RAP2B: variants seen among roughly 807,000 people sequenced by gnomAD.
RAP2B encodes the protein RAP2B, member of RAS oncogene family.
RAP2B carries 6 observed loss-of-function variants against 14.4 expected under a neutral mutation model. That is an observed-to-expected ratio of 0.42 (90% CI 0.23 to 0.82). The LOEUF (loss-of-function observed/expected upper bound fraction) is 0.82, where lower values mean the gene tolerates loss of function less well. RAP2B is among the 40% of genes least tolerant of loss of function. The pLI, the probability that RAP2B is intolerant of heterozygous loss-of-function variation, is 0.30. For missense variants in RAP2B, 137 were observed against 248.2 expected (o/e 0.55, Z 3.01); for synonymous variants, 118 against 113.2 (o/e 1.04, Z -0.27).
chr3:153,168,139 G>C lies in RAP2B; in HGVS notation c.*4894G>C, dbSNP rs968034140. The C allele has an allele frequency of 1.2e-5, 2 of 166,906 alleles. No individual in the cohort carries two copies. Among genetic ancestry groups the C allele is most frequent in the Non-Finnish European group, 2.9e-5 (2 of 68,088 alleles). The allele number at this position is 166,906 out of a possible 1,614,324, so 10.3% of individuals were successfully genotyped here. A position where few individuals can be genotyped will look rare whatever the true frequency, so the allele number is the denominator to read the frequency against. On this transcript the variant is annotated 3_prime_UTR_variant, in exon 1 of 1. Coordinates refer to ENST00000323534, the MANE Select transcript of RAP2B (RefSeq NM_002886.4). ...AACTGTGTATCTTGCAGCTTCTTTC[G>C]TTATGCATCTTAATTCCCTCAGAAG...
chr3:153,163,653 C>CTTT lies in RAP2B; in HGVS notation c.*409_*410insTTT, dbSNP rs1713482717. On this transcript the variant is annotated 3_prime_UTR_variant, in exon 1 of 1. Coordinates refer to ENST00000323534, the MANE Select transcript of RAP2B (RefSeq NM_002886.4). The stretch of plus-strand genomic sequence containing the variant: ...GGAAATGGTTTTTTTTTTTTTTTTT[C>CTTT]TATTTTCTTTCTTTTTTTTTTTTTT... 3 of 74,876 alleles carry CTTT rather than the reference C, an allele frequency of 4.0e-5. No individual in the cohort carries two copies. Among genetic ancestry groups the CTTT allele is most frequent in the Admixed American group, 1.5e-4 (1 of 6,794 alleles). The allele number at this position is 74,876 out of a possible 1,614,324, so 4.6% of individuals were successfully genotyped here.
rs185548519 is a variant in RAP2B at position 153,166,486 on chromosome 3, T to C, written c.*3241T>C. The C allele has an allele frequency of 6.0e-6, 1 of 167,170 alleles. No homozygotes were observed. Among genetic ancestry groups the C allele is most frequent in the African/African-American group, 2.4e-5 (1 of 41,568 alleles). 10.4% of individuals were successfully genotyped at this position (167,170 alleles called of 1,614,324 possible). A position where few individuals can be genotyped will look rare whatever the true frequency, so the allele number is the denominator to read the frequency against. ...AAATTGGGTGGGAAAGGAGTCTTTA[T>C]CTTGGGGAGCAAAAGCTGACTTTTA... On this transcript the variant is annotated 3_prime_UTR_variant, in exon 1 of 1. Transcript: ENST00000323534.
rs1713691016 is a variant in RAP2B, at chr3:153,170,136, G to A, written c.*6891G>A. 1 of 152,198 alleles carries A rather than the reference G, an allele frequency of 6.6e-6. No homozygotes were observed. Among genetic ancestry groups the A allele is most frequent in the African/African-American group, 2.4e-5 (1 of 41,444 alleles). 9.4% of individuals were successfully genotyped at this position (152,198 alleles called of 1,614,324 possible). A position where few individuals can be genotyped will look rare whatever the true frequency, so the allele number is the denominator to read the frequency against. On this transcript the variant is annotated 3_prime_UTR_variant, in exon 1 of 1. Coordinates refer to ENST00000323534, the MANE Select transcript of RAP2B (RefSeq NM_002886.4). ...TTATGTGAGGTTAAGTTTGTCAGAG[G>A]ATTGAAAACGTGGTTGGTTTATTTG...
chr3:153,163,068 G>C lies in RAP2B; in HGVS notation c.375G>C (p.Glu125Asp). 6.2e-7 allele frequency: 1 copy of C among 1,614,034 alleles called. No individual in the cohort carries two copies. The highest frequency in any genetic ancestry group is 8.5e-7 in the Non-Finnish European group (1 of 1,180,026). The change falls in exon 1 of 1, where the codon GAG becomes GAC. Residue 125 changes from glutamate to aspartate, a missense_variant. Glu to Asp is a conservative substitution (Grantham distance 45). This residue lies in a region of RAP2B where 106 missense variants were observed against 143.5 expected (regional missense o/e 0.74). Coordinates refer to ENST00000323534, the MANE Select transcript of RAP2B (RefSeq NM_002886.4). The part of the protein sequence containing the change: ...GNKVDLEGER[E>D]VSYGEGKALA... ...AGGTGGACCTGGAGGGTGAGCGCGA[G>C]GTCTCGTACGGGGAGGGCAAGGCCC...
chr3:153,167,170 TATA>T lies in RAP2B; in HGVS notation c.*3928_*3930del, dbSNP rs1713604007. The T allele has an allele frequency of 6.0e-6, 1 of 167,026 alleles. No homozygotes were observed. The highest frequency in any genetic ancestry group is 2.1e-4 in the South Asian group (1 of 4,824). 10.3% of individuals were successfully genotyped at this position (167,026 alleles called of 1,614,324 possible). On this transcript the variant is annotated 3_prime_UTR_variant, in exon 1 of 1. Coordinates refer to ENST00000323534, the MANE Select transcript of RAP2B (RefSeq NM_002886.4). ...AATATAGTAAATTTTAAAATACTAA[TATA>T]ATGTGGTATTCTTGATTACAGTATT...
At position 153,170,409 on chromosome 3, in the gene RAP2B, A is replaced by G. The variant is rs1031793107; in HGVS notation, c.*7164A>G. 6.6e-6 allele frequency: 1 copy of G among 152,236 alleles called. No individual in the cohort carries two copies. The highest frequency in any genetic ancestry group is 2.4e-5 in the African/African-American group (1 of 41,458). 9.4% of individuals were successfully genotyped at this position (152,236 alleles called of 1,614,324 possible). ...GCGCTAATACTTAAAAGAGGAAGTC[A>G]GGTGAAGGCGCAACAGCTTTATGCT... On this transcript the variant is annotated 3_prime_UTR_variant, in exon 1 of 1. Transcript: ENST00000323534.
Position 153,163,229 on chromosome 3 carries a change from C to A in RAP2B, c.536C>A (p.Ala179Asp). Residue 179 changes from alanine to aspartate, a missense_variant, in exon 1 of 1, where the codon GCC (alanine) becomes GAC (aspartate). By Grantham distance (126) the Ala-to-Asp change is moderately radical. This residue lies in a region of RAP2B where 106 missense variants were observed against 143.5 expected (regional missense o/e 0.74). Transcript: ENST00000323534. ...QPNGDEGCCS[A>D]CVIL Reference sequence around the variant, plus strand: ...AACGGCGATGAGGGCTGCTGCTCGGCCTGCGTGATCCTCTGAGGCGGCCAC... The same window carrying A: ...AACGGCGATGAGGGCTGCTGCTCGGACTGCGTGATCCTCTGAGGCGGCCAC... 6.4e-7 allele frequency: 1 copy of A among 1,565,684 alleles called. No homozygotes were observed. Among genetic ancestry groups the A allele is most frequent in the Non-Finnish European group, 8.6e-7 (1 of 1,157,032 alleles).
rs1713429560 is a variant in RAP2B at position 153,162,480 on chromosome 3, C to T, written c.-214C>T. On this transcript the variant is annotated 5_prime_UTR_variant, in exon 1 of 1. Coordinates refer to ENST00000323534, the MANE Select transcript of RAP2B (RefSeq NM_002886.4). This position sits in a 1 kb window ranked among gnomAD's most constrained non-coding sequence, Gnocchi z 4.9. ...CGCGGACTGCTGCGGGGCCCGGACC[C>T]GCACCCCAGGGATACGCTGCCGCCG... is the stretch of plus-strand genomic sequence containing the variant. 6.9e-6 allele frequency: 3 copies of T among 436,188 alleles called. No individual in the cohort carries two copies. Among genetic ancestry groups the T allele is most frequent in the Non-Finnish European group, 1.2e-5 (3 of 257,782 alleles). The allele number at this position is 436,188 out of a possible 1,614,324, so 27.0% of individuals were successfully genotyped here.
rs1477075537 is a variant in RAP2B, at chr3:153,164,780, A to G, written c.*1535A>G. ...TTCATATTCAGTGATTTAATACAGT[A>G]TCATGGCTGAGGTGGATGGGGCAGG... On this transcript the variant is annotated 3_prime_UTR_variant, in exon 1 of 1. Transcript: ENST00000323534. 1 of 167,100 alleles carries G rather than the reference A, an allele frequency of 6.0e-6. No homozygotes were observed. The highest frequency in any genetic ancestry group is 6.5e-5 in the Admixed American group (1 of 15,280). 10.4% of individuals were successfully genotyped at this position (167,100 alleles called of 1,614,324 possible).
In RAP2B at chr3:153,168,430, T is replaced by A. The variant is rs1413055918; in HGVS notation, c.*5185T>A. On this transcript the variant is annotated 3_prime_UTR_variant, in exon 1 of 1. Transcript: ENST00000323534. ...TTTTTAATGCTTCCTGGACTTCAGT[T>A]ATTTTCTTGCTTTTGCCTCAAGAAT... The A allele has an allele frequency of 3.0e-5, 5 of 166,998 alleles. No individual in the cohort carries two copies. The highest frequency in any genetic ancestry group is 7.3e-5 in the Non-Finnish European group (5 of 68,118). 10.3% of individuals were successfully genotyped at this position (166,998 alleles called of 1,614,324 possible). A position where few individuals can be genotyped will look rare whatever the true frequency, so the allele number is the denominator to read the frequency against.
rs574606114 is a variant in RAP2B at position 153,163,074 on chromosome 3, G to T, written c.381G>T (p.Ser127=). The change falls in exon 1 of 1, where the codon TCG becomes TCT. Residue 127 remains serine, a synonymous_variant. Coordinates refer to ENST00000323534, the MANE Select transcript of RAP2B (RefSeq NM_002886.4). ...KVDLEGEREV[S]YGEGKALAEE... ...ACCTGGAGGGTGAGCGCGAGGTCTC[G>T]TACGGGGAGGGCAAGGCCCTGGCTG... The T allele has an allele frequency of 6.2e-7, 1 of 1,614,004 alleles. No homozygotes were observed. Among genetic ancestry groups the T allele is most frequent in the South Asian group, 1.1e-5 (1 of 91,086 alleles).
In RAP2B at chr3:153,162,984, G is replaced by T. The variant is rs1713452306; in HGVS notation, c.291G>T (p.Arg97=). 1 of 1,614,090 alleles carries T rather than the reference G, an allele frequency of 6.2e-7. No homozygotes were observed. Among genetic ancestry groups the T allele is most frequent in the Non-Finnish European group, 8.5e-7 (1 of 1,180,048 alleles). The change falls in exon 1 of 1, where the codon CGG becomes CGT. Residue 97 remains arginine (R), a synonymous_variant. Coordinates refer to ENST00000323534, the MANE Select transcript of RAP2B (RefSeq NM_002886.4). This position sits in a 1 kb window ranked among gnomAD's most constrained non-coding sequence, Gnocchi z 4.9. ...QQSFQDIKPM[R]DQIIRVKRYE... is the part of the protein sequence containing the mutation. ...GCTTCCAGGACATCAAGCCCATGCG[G>T]GACCAGATCATCCGCGTGAAGCGGT...
At position 153,166,788 on chromosome 3, in the gene RAP2B, G is replaced by A. The variant is rs1055487336; in HGVS notation, c.*3543G>A. The A allele has an allele frequency of 6.0e-6, 1 of 166,484 alleles. No homozygotes were observed. The highest frequency in any genetic ancestry group is 1.5e-5 in the Non-Finnish European group (1 of 68,090). The allele number at this position is 166,484 out of a possible 1,614,324, so 10.3% of individuals were successfully genotyped here. ...ATTCTTTAAATGTATGGGACTTCAT[G>A]CTTCCTGATTATGTAATATTTCCTG... On this transcript the variant is annotated 3_prime_UTR_variant, in exon 1 of 1. Coordinates refer to ENST00000323534, the MANE Select transcript of RAP2B (RefSeq NM_002886.4).
chr3:153,167,252 T>A lies in RAP2B; in HGVS notation c.*4007T>A, dbSNP rs757164067. 3.6e-5 allele frequency: 6 copies of A among 167,202 alleles called. No individual in the cohort carries two copies. The highest frequency in any genetic ancestry group is 7.3e-5 in the Non-Finnish European group (5 of 68,110). The allele number at this position is 167,202 out of a possible 1,614,324, so 10.4% of individuals were successfully genotyped here. On this transcript the variant is annotated 3_prime_UTR_variant, in exon 1 of 1. Transcript: ENST00000323534. ...GCATTTAACTGAACACAGAGCTAGT[T>A]CTAGGTGAGTGAGATCTTTATCTAT...
chr3:153,163,755 G>A lies in RAP2B; in HGVS notation c.*510G>A, dbSNP rs944284241. 2 of 162,314 alleles carry A rather than the reference G, an allele frequency of 1.2e-5. No individual in the cohort carries two copies. Among genetic ancestry groups the A allele is most frequent in the African/African-American group, 2.5e-5 (1 of 40,136 alleles). The allele number at this position is 162,314 out of a possible 1,614,324, so 10.1% of individuals were successfully genotyped here. A position where few individuals can be genotyped will look rare whatever the true frequency, so the allele number is the denominator to read the frequency against. On this transcript the variant is annotated 3_prime_UTR_variant, in exon 1 of 1. Coordinates refer to ENST00000323534, the MANE Select transcript of RAP2B (RefSeq NM_002886.4). ...GGAAGTCCGGGAGAACCATATGAAG[G>A]AGCAGGAGGAGAGGAAGAAACTTTT...
In RAP2B at chr3:153,167,975, C is replaced by T. The variant is rs552606266; in HGVS notation, c.*4730C>T. On this transcript the variant is annotated 3_prime_UTR_variant, in exon 1 of 1. Transcript: ENST00000323534. Reference sequence around the variant, plus strand: ...GCAAGGGTTCTAAAAATCATTGTGCCAGAGAATTTAAATCTTCATATCATG... The same window carrying T: ...GCAAGGGTTCTAAAAATCATTGTGCTAGAGAATTTAAATCTTCATATCATG... The T allele has an allele frequency of 1.8e-5, 3 of 167,110 alleles. No homozygotes were observed. Among genetic ancestry groups the T allele is most frequent in the African/African-American group, 7.2e-5 (3 of 41,560 alleles). 10.4% of individuals were successfully genotyped at this position (167,110 alleles called of 1,614,324 possible). A position where few individuals can be genotyped will look rare whatever the true frequency, so the allele number is the denominator to read the frequency against.
Position 153,170,282 on chromosome 3 carries a change from A to C in RAP2B, c.*7037A>C, listed in dbSNP as rs926334389. ...GGCCTGAGACCAACCTTAATTATCA[A>C]GAATATGGTTGCAGTGGAAATTGGT... On this transcript the variant is annotated 3_prime_UTR_variant, in exon 1 of 1. Coordinates refer to ENST00000323534, the MANE Select transcript of RAP2B (RefSeq NM_002886.4). The C allele has an allele frequency of 3.9e-5, 6 of 152,214 alleles. No homozygotes were observed. The highest frequency in any genetic ancestry group is 4.8e-5 in the African/African-American group (2 of 41,454). The allele number at this position is 152,214 out of a possible 1,614,324, so 9.4% of individuals were successfully genotyped here.
Position 153,163,241 on chromosome 3 carries a change from T to A in RAP2B, c.548T>A (p.Leu183His), listed in dbSNP as rs1167041699. 1 of 1,541,010 alleles carries A rather than the reference T, an allele frequency of 6.5e-7. No individual in the cohort carries two copies. Among genetic ancestry groups the A allele is most frequent in the Non-Finnish European group, 8.7e-7 (1 of 1,147,408 alleles). ...DEGCCSACVI[L>H] is the part of the protein sequence containing the mutation. ...GGCTGCTGCTCGGCCTGCGTGATCC[T>A]CTGAGGCGGCCACCGCGCGCCGGCC... Residue 183 changes from leucine to histidine, a missense_variant, in exon 1 of 1, where the codon CTC becomes CAC. By Grantham distance (99) the Leu-to-His change is moderately conservative. This residue lies in a region of RAP2B where 106 missense variants were observed against 143.5 expected (regional missense o/e 0.74). Coordinates refer to ENST00000323534, the MANE Select transcript of RAP2B (RefSeq NM_002886.4).
Position 153,162,579 on chromosome 3 carries a change from GT to G in RAP2B, c.-110del. ...CGTTCTCTGGGTTGCTCTCTCCTGGGTTTTTCCTGCGTAGCTGAGGAAGGGG... is the reference window on the plus strand; with the variant it reads ...CGTTCTCTGGGTTGCTCTCTCCTGGGTTTTCCTGCGTAGCTGAGGAAGGGG... On this transcript the variant is annotated 5_prime_UTR_variant, in exon 1 of 1. Coordinates refer to ENST00000323534, the MANE Select transcript of RAP2B (RefSeq NM_002886.4). This position sits in a 1 kb window ranked among gnomAD's most constrained non-coding sequence, Gnocchi z 4.9. The G allele has an allele frequency of 7.8e-7, 1 of 1,289,232 alleles. No homozygotes were observed. Among genetic ancestry groups the G allele is most frequent in the Non-Finnish European group, 1.0e-6 (1 of 963,836 alleles). 79.9% of individuals were successfully genotyped at this position (1,289,232 alleles called of 1,614,324 possible). A position where few individuals can be genotyped will look rare whatever the true frequency, so the allele number is the denominator to read the frequency against.
Sources: gnomAD v4.1 joint callset for allele counts on GRCh38, gnomAD v4.1.1 for gene constraint, gnomAD v4.1.1 regional missense constraint, Gnocchi (gnomAD v3.1) non-coding constraint, MANE v1.5 for transcripts, NCBI Gene and HGNC (gene_info 2026-07-23, HGNC 2026-07-21) for gene names.